Variants in TNKS observed in about 807,000 individuals in gnomAD.
The protein encoded by TNKS is tankyrase, also known as poly [ADP-ribose] polymerase tankyrase-1.
A neutral mutation model predicts 135.8 loss-of-function variants in TNKS; 72 were observed. The observed-to-expected ratio is 0.53, with a 90% CI of 0.44 to 0.64. TNKS has a LOEUF of 0.64. Among genes scored for constraint, TNKS ranks in the 30% least tolerant of loss-of-function variants. The probability of loss-of-function intolerance (pLI) is 0.00; values close to 1 mark genes in which losing one functional copy is unlikely to be tolerated. For missense variants in TNKS, 1,769 were observed against 1,674.0 expected (o/e 1.06, Z -0.99); for synonymous variants, 849 against 649.3 (o/e 1.31, Z -4.68).
At chr8:9,590,693 C>T (rs530603479) in intron 2 of TNKS, among the ~76,000 whole-genome samples, 33 of 152,096 alleles carry the variant, frequency 2.2e-4, no homozygotes, top group Non-Finnish European at 4.6e-4. Flanking sequence ...TTTTCATGTG[C>T]GTGTTTGCCA....
chr8:9,648,539 C>A (rs1053712015), intron 3 of TNKS, among the ~76,000 whole-genome samples: 2 of 152,130 alleles, frequency 1.3e-5, no homozygotes, highest in Non-Finnish European at 2.9e-5. Flanking sequence ...GACAATAAAC[C>A]ACTAACATAT....
chr8:9,567,846 C>T (rs531833129), intron 1 of TNKS, among the ~76,000 whole-genome samples: 3 of 152,128 alleles, frequency 2.0e-5, no homozygotes, highest in African/African-American at 7.2e-5. Flanking sequence ...ATATTGGAGT[C>T]ACAGCAGTTT....
intron 3 of TNKS, among the ~76,000 whole-genome samples, chr8:9,672,665 A>C (rs1347907290): frequency 3.5e-5 from 5 of 141,570 alleles, no homozygotes; most frequent in African/African-American, 1.0e-4. Context: ...AAAAAAAAAA[A>C]AAAAAAAAAA....
chr8:9,610,682 T>G (rs761382361), intron 2 of TNKS, among the ~76,000 whole-genome samples: 2 of 152,196 alleles, frequency 1.3e-5, no homozygotes, highest in Non-Finnish European at 2.9e-5. Flanking sequence ...CTCTTTATTC[T>G]TAAAGCATTA....
At chr8:9,607,683 A>G (rs957359403) in intron 2 of TNKS, among the ~76,000 whole-genome samples, 1 of 152,236 alleles carries the variant, frequency 6.6e-6, no homozygotes, top group African/African-American at 2.4e-5. Context: ...TATACTATAT[A>G]AAATAATTAC....
chr8:9,622,912 A>G (rs1431579973), intron 3 of TNKS, among the ~76,000 whole-genome samples: 3 of 152,194 alleles, frequency 2.0e-5, no homozygotes, highest in African/African-American at 4.8e-5. Flanking sequence ...TGAACCCTGT[A>G]CAGACTATGG....
chr8:9,624,361 A>C (rs533460391), intron 3 of TNKS, among the ~76,000 whole-genome samples: 1 of 152,352 alleles, frequency 6.6e-6, no homozygotes, highest in Non-Finnish European at 1.5e-5. Context: ...TAACATTAGA[A>C]TTCATTAATG....
chr8:9,635,390 T>G (rs559446775), intron 3 of TNKS, among the ~76,000 whole-genome samples: 1 of 152,294 alleles, frequency 6.6e-6, no homozygotes, highest in Admixed American at 6.5e-5. Flanking sequence ...ACTTTCTTAC[T>G]GTAGAATGCC....
chr8:9,697,882 C>T (rs1021854462), intron 5 of TNKS, among the ~76,000 whole-genome samples: 2 of 152,096 alleles, frequency 1.3e-5, no homozygotes, highest in African/African-American at 2.4e-5. Flanking sequence ...CCATTAGGCC[C>T]AGCAATCCCA....
At chr8:9,609,399 A>T (rs779730082) in intron 2 of TNKS, among the ~76,000 whole-genome samples, 6 of 152,200 alleles carry the variant, frequency 3.9e-5, no homozygotes, top group Non-Finnish European at 5.9e-5. Context: ...ATTCTGTACT[A>T]GGACCAGTTC....
chr8:9,758,652 C>T (rs190568280), intron 20 of TNKS, among the ~76,000 whole-genome samples: 1 of 152,228 alleles, frequency 6.6e-6, no homozygotes, highest in Non-Finnish European at 1.5e-5. Flanking sequence ...TCCAACAGGT[C>T]TGCAGTCTCA....
At chr8:9,726,584 C>T in intron 12 of TNKS, 57 bp from the exon 13 acceptor site, 1 of 1,252,676 alleles carries the variant, frequency 8.0e-7, no homozygotes, top group East Asian at 2.5e-5. Flanking sequence ...AAAATCAATG[C>T]AGTTGGAATA....
intron 8 of TNKS, among the ~76,000 whole-genome samples, chr8:9,707,908 G>C (rs560798203): frequency 2.0e-5 from 3 of 152,160 alleles, no homozygotes; most frequent in African/African-American, 7.2e-5. Context: ...GGTGGCAATA[G>C]TAGTAGCAAG....
chr8:9,688,874 C>T (rs547444173), intron 5 of TNKS, among the ~76,000 whole-genome samples: 3 of 152,302 alleles, frequency 2.0e-5, no homozygotes, highest in African/African-American at 4.8e-5. Context: ...GTCCTGACCT[C>T]AGGTGATCCA....
rs1491546745 is a variant in TNKS, at chr8:9,763,062, AAT to A, written c.3275-84_3275-83del. The A allele has an allele frequency of 1.5e-5, 8 of 522,720 alleles. No homozygotes were observed. In the East Asian group the frequency reaches 2.4e-4, roughly 16 times the overall value. 32.4% of individuals were successfully genotyped at this position (522,720 alleles called of 1,614,324 possible). On this transcript the variant is annotated intron_variant, in intron 21 of 26. Coordinates refer to ENST00000310430, the MANE Select transcript of TNKS (RefSeq NM_003747.3). The stretch of plus-strand genomic sequence containing the variant: ...TCCAAAACCTCAATTACTTATTATG[AAT>A]TTTTTTTTTTTTTTTTTTTTTATAA...
chr8:9,713,395 C>G (rs763497807), intron 11 of TNKS, among the ~76,000 whole-genome samples: 6 of 152,068 alleles, frequency 3.9e-5, no homozygotes, highest in Non-Finnish European at 8.8e-5. Context: ...TTATTGTCTC[C>G]CATCAGGCAT....
At chr8:9,708,815 T>G (rs1804181054) in intron 9 of TNKS, among the ~76,000 whole-genome samples, 1 of 152,110 alleles carries the variant, frequency 6.6e-6, no homozygotes, top group Non-Finnish European at 1.5e-5. Context: ...TTTTCTTATG[T>G]TTGCTAGATA....
intron 3 of TNKS, among the ~76,000 whole-genome samples, chr8:9,656,018 C>G (rs920830978): frequency 6.6e-6 from 1 of 152,012 alleles, no homozygotes; most frequent in African/African-American, 2.4e-5. Flanking sequence ...AAATGGCTAA[C>G]TAGAATAACC....
chr8:9,728,124 A>G (rs1805251254), intron 13 of TNKS, among the ~76,000 whole-genome samples: 1 of 152,224 alleles, frequency 6.6e-6, no homozygotes, highest in East Asian at 1.9e-4. Flanking sequence ...AAGCAGATGT[A>G]TACTACAGCT....
Sources: allele counts gnomAD v4.1 joint callset (sites outside exome capture counted in the v4.1 genomes callset), GRCh38; gene constraint gnomAD v4.1.1; transcripts MANE v1.5; gene names NCBI Gene and HGNC (gene_info 2026-07-23, HGNC 2026-07-21).